Variants in KHDRBS2 observed in about 807,000 individuals in gnomAD.
KHDRBS2 encodes the protein KH RNA binding domain containing, signal transduction associated 2.
KHDRBS2 carries 26 observed loss-of-function variants against 44.3 expected under a neutral mutation model. The ratio of observed to expected loss-of-function variants is 0.59; its 90% CI spans 0.43 to 0.81. The LOEUF is 0.81. KHDRBS2 is among the 40% of genes least tolerant of loss of function. The pLI is 0.00. For missense variants in KHDRBS2, 476 were observed against 433.1 expected, an observed-to-expected ratio of 1.10 and a Z score of -0.88; for synonymous variants, 194 against 151.1, an observed-to-expected ratio of 1.28 and a Z score of -2.08.
chr6:61,960,210 T>G (rs1232707594), intron 4 of KHDRBS2, among the ~76,000 whole-genome samples: 2 of 151,990 alleles, frequency 1.3e-5, no homozygotes, highest in Non-Finnish European at 2.9e-5. Context: ...ACAACCTGCT[T>G]CTCCACCTGG....
chr6:61,756,251 AT>A (rs1778462342), intron 6 of KHDRBS2, among the ~76,000 whole-genome samples: 1 of 151,242 alleles, frequency 6.6e-6, no homozygotes, highest in Non-Finnish European at 1.5e-5. Context: ...TATTAATTTT[AT>A]TTAATTAATT....
At chr6:61,649,411 G>A in the KHDRBS2 span, among the ~76,000 whole-genome samples, 1 of 152,142 alleles carries the variant, frequency 6.6e-6, no homozygotes, top group African/African-American at 2.4e-5. Flanking sequence ...CCCCTGGTGG[G>A]CTTTTGGGCT....
At chr6:62,036,539 C>A (rs1323800236) in intron 3 of KHDRBS2, among the ~76,000 whole-genome samples, 1 of 151,718 alleles carries the variant, frequency 6.6e-6, no homozygotes, top group East Asian at 1.9e-4. Context: ...ATTCTCTAAG[C>A]CTAAAATTAT....
At position 61,831,295 on chromosome 6, in the gene KHDRBS2, A is replaced by G. The variant is rs116579529; in HGVS notation, c.810+63340T>C. Among the ~76,000 whole-genome samples the G allele has an allele frequency of 4.2e-3, 642 of 152,220 alleles. 9 individuals carry two copies. The highest frequency in any genetic ancestry group is 0.015 in the African/African-American group (617 of 41,556). On this transcript the variant is annotated intron_variant, in intron 6 of 8. Coordinates refer to ENST00000281156, the MANE Select transcript of KHDRBS2 (RefSeq NM_152688.4). The stretch of plus-strand genomic sequence containing the variant: ...AAACCACAAATGATAGAAAGGTTAC[A>G]TATCTATTTACCCCTAAAGCATTAC...
chr6:62,146,857 A>T (rs1322905281), intron 2 of KHDRBS2, among the ~76,000 whole-genome samples: 1 of 151,926 alleles, frequency 6.6e-6, no homozygotes, highest in Non-Finnish European at 1.5e-5. Context: ...ACACTCAAAA[A>T]AATATTTTTG....
intron 6 of KHDRBS2, among the ~76,000 whole-genome samples, chr6:61,777,927 T>C (rs1341965650): frequency 6.6e-6 from 1 of 152,108 alleles, no homozygotes; most frequent in Non-Finnish European, 1.5e-5. Context: ...CAGGAGTTTG[T>C]CGTATGAATT....
intron 2 of KHDRBS2, among the ~76,000 whole-genome samples, chr6:62,145,279 G>T (rs771578087): frequency 2.0e-5 from 3 of 149,538 alleles, no homozygotes; most frequent in Non-Finnish European, 4.5e-5. Context: ...TGGTAGGCTT[G>T]ATATTTTCAC....
chr6:62,217,534 T>C (rs539608831), intron 1 of KHDRBS2, among the ~76,000 whole-genome samples: 1 of 151,824 alleles, frequency 6.6e-6, no homozygotes, highest in Admixed American at 6.6e-5. Context: ...AAATGTGATT[T>C]ATAAATTAGC....
chr6:61,990,564 C>T (rs9453881), intron 3 of KHDRBS2, among the ~76,000 whole-genome samples: 112,507 of 152,034 alleles, frequency 0.74, 42,114 homozygotes, highest in Non-Finnish European at 0.79. Context: ...AAAAAATCAA[C>T]TGGCATTGAA....
At chr6:61,685,696 A>G (rs1474769216) in intron 8 of KHDRBS2, among the ~76,000 whole-genome samples, 1 of 151,804 alleles carries the variant, frequency 6.6e-6, no homozygotes, top group Non-Finnish European at 1.5e-5. Context: ...ACTCCTGTGC[A>G]TTAAATATTA....
intron 4 of KHDRBS2, among the ~76,000 whole-genome samples, chr6:61,929,396 A>C (rs1343047916): frequency 2.6e-5 from 4 of 152,176 alleles, no homozygotes; most frequent in Non-Finnish European, 4.4e-5. Context: ...TTCAACCTGC[A>C]CCAATTTGGC....
At chr6:62,021,644 T>C (rs893908381) in intron 3 of KHDRBS2, among the ~76,000 whole-genome samples, 16 of 151,732 alleles carry the variant, frequency 1.1e-4, no homozygotes, top group Non-Finnish European at 1.9e-4. Context: ...TATCTAGTTA[T>C]TCTTAATTAT....
At chr6:62,275,169 T>G (rs1207792997) in intron 1 of KHDRBS2, among the ~76,000 whole-genome samples, 1 of 152,164 alleles carries the variant, frequency 6.6e-6, no homozygotes, top group Non-Finnish European at 1.5e-5. Context: ...AGATTTTCCC[T>G]ATGTAGAGAT....
intron 4 of KHDRBS2, among the ~76,000 whole-genome samples, chr6:61,906,238 A>G (rs1562413846): frequency 6.6e-6 from 1 of 152,160 alleles, no homozygotes; most frequent in Non-Finnish European, 1.5e-5. Context: ...AATTTTTGCT[A>G]TTAAAATTTT....
At chr6:61,744,346 C>T (rs9351201) in intron 6 of KHDRBS2, among the ~76,000 whole-genome samples, 16 of 152,064 alleles carry the variant, frequency 1.1e-4, no homozygotes, top group Admixed American at 7.9e-4. Flanking sequence ...AGGGTAGGAA[C>T]AGTGAGCTCA....
At chr6:62,138,560 G>A (rs905515120) in intron 2 of KHDRBS2, among the ~76,000 whole-genome samples, 3 of 152,216 alleles carry the variant, frequency 2.0e-5, no homozygotes, top group African/African-American at 7.2e-5. Context: ...TCTACAGCGA[G>A]TCGCTCATAT....
At chr6:61,820,517 T>C (rs1163521674) in intron 6 of KHDRBS2, among the ~76,000 whole-genome samples, 1 of 152,052 alleles carries the variant, frequency 6.6e-6, no homozygotes, top group Non-Finnish European at 1.5e-5. Context: ...TTGGCTATTT[T>C]AAGCAGTTAG....
the KHDRBS2 span, among the ~76,000 whole-genome samples, chr6:61,616,785 G>A: frequency 2.0e-4 from 30 of 152,162 alleles, no homozygotes; most frequent in East Asian, 4.8e-3. Context: ...TTAATACAAA[G>A]CATGTAATAG....
intron 3 of KHDRBS2, among the ~76,000 whole-genome samples, chr6:61,979,993 T>G (rs932478635): frequency 5.9e-5 from 9 of 152,152 alleles, no homozygotes; most frequent in African/African-American, 2.2e-4. Context: ...TTCAACTCTA[T>G]TAAGCAAAAT....
Sources: allele counts gnomAD v4.1 joint callset (sites outside exome capture counted in the v4.1 genomes callset), GRCh38; gene constraint gnomAD v4.1.1; transcripts MANE v1.5; gene names NCBI Gene and HGNC (gene_info 2026-07-23, HGNC 2026-07-21).